The following CAMTA2 variants were observed in gnomAD, a reference collection of about 807,000 sequenced individuals.
CAMTA2 encodes calmodulin binding transcription activator 2.
A neutral mutation model predicts 135.7 loss-of-function variants in CAMTA2; 56 were observed. That is an observed-to-expected ratio of 0.41 (90% CI 0.33 to 0.52). The LOEUF (loss-of-function observed/expected upper bound fraction) is 0.52. Among genes scored for constraint, CAMTA2 ranks in the 20% least tolerant of loss-of-function variants. CAMTA2 has a pLI of 0.16. For missense variants in CAMTA2, 1,358 were observed against 1,553.4 expected (o/e 0.87, Z 2.11); for synonymous variants, 591 against 604.6 (o/e 0.98, Z 0.33).
rs1333748550 is a variant in CAMTA2, at chr17:4,972,257, C to T, written c.2783G>A (p.Ser928Asn). The change falls in exon 16 of 23, where the codon AGC becomes AAC. Residue 928 changes from serine (S) to asparagine (N), a missense_variant. Physicochemically the swap from Ser to Asn is conservative, Grantham distance 46. This residue lies in a region of CAMTA2 where 1,077 missense variants were observed against 1,127.5 expected (regional missense o/e 0.96). Coordinates refer to ENST00000348066, the MANE Select transcript of CAMTA2 (RefSeq NM_015099.4). ...DDGAAPEDAD[S>N]PQAVDVIPVD... ...CGGGATCACATCCACAGCCTGTGGGCTGTCAGCGTCCTCTGGAGCAGCCCC... is the reference window on the plus strand; with the variant it reads ...CGGGATCACATCCACAGCCTGTGGGTTGTCAGCGTCCTCTGGAGCAGCCCC... 3 of 1,613,984 alleles carry T rather than the reference C, an allele frequency of 1.9e-6. No individual in the cohort carries two copies. The highest frequency in any genetic ancestry group is 2.5e-6 in the Non-Finnish European group (3 of 1,179,936).
chr17:4,985,167 C>T (rs1165377936), intron 3 of CAMTA2, among the ~76,000 whole-genome samples: 2 of 151,500 alleles, frequency 1.3e-5, no homozygotes, highest in African/African-American at 4.9e-5. Context: ...GCCTGGGCAA[C>T]AAGAGCGAGA....
At chr17:4,978,289 AG>A (rs1358620784) in intron 10 of CAMTA2, among the ~76,000 whole-genome samples, 2 of 152,212 alleles carry the variant, frequency 1.3e-5, no homozygotes, top group East Asian at 3.9e-4. Flanking sequence ...GCTAAGGAGT[AG>A]ACTTCTTGGA....
chr17:4,968,584 G>T lies in CAMTA2; in HGVS notation c.*172C>A. 1.5e-6 allele frequency: 1 copy of T among 674,764 alleles called. No homozygotes were observed. The highest frequency in any genetic ancestry group is 2.6e-6 in the Non-Finnish European group (1 of 390,560). The allele number at this position is 674,764 out of a possible 1,614,324, so 41.8% of individuals were successfully genotyped here. ...GAGACGGGGCACGACCAGGAGGGAC[G>T]AGGAGAGGGGTGTGGGAGCAAGGCG... On this transcript the variant is annotated 3_prime_UTR_variant, in exon 23 of 23. Coordinates refer to ENST00000348066, the MANE Select transcript of CAMTA2 (RefSeq NM_015099.4).
chr17:4,987,418 G>A, intron 1 of CAMTA2, 175 bp downstream of exon 1: 1 of 1,375,988 alleles, frequency 7.3e-7, no homozygotes, highest in African/African-American at 1.5e-5. Context: ...GTCCGCCGTG[G>A]GGCCCTGCGG....
At chr17:4,970,129 C>A in intron 17 of CAMTA2, 44 bp from the exon 18 acceptor site, 1 of 1,577,176 alleles carries the variant, frequency 6.3e-7, no homozygotes, top group Non-Finnish European at 8.7e-7. Context: ...CATCTGAAGT[C>A]CCTCCTCTGC....
chr17:4,982,729 A>T lies in CAMTA2; in HGVS notation c.339+28T>A, dbSNP rs199558111. Reference sequence around the variant, plus strand: ...AGGGTGGAGGAGGGCAGGCTCGGGAAGATGAGCTGAATATCTGACTCTCTT... The same window carrying T: ...AGGGTGGAGGAGGGCAGGCTCGGGATGATGAGCTGAATATCTGACTCTCTT... On this transcript the variant is annotated intron_variant, in intron 5 of 22. Coordinates refer to ENST00000348066, the MANE Select transcript of CAMTA2 (RefSeq NM_015099.4). The T allele has an allele frequency of 1.2e-4, 197 of 1,613,212 alleles. 1 individual carries two copies. In the African/African-American group the frequency reaches 2.4e-3, roughly 20 times the overall value.
intron 1 of CAMTA2, chr17:4,987,109 G>A: frequency 3.6e-6 from 5 of 1,370,696 alleles, no homozygotes; most frequent in Non-Finnish European, 3.7e-6. Context: ...AGCTGGGGTT[G>A]GGGTAAGGAC....
At position 4,972,913 on chromosome 17, in the gene CAMTA2, C is replaced by A. The variant is rs567155838; in HGVS notation, c.2359G>T (p.Asp787Tyr). ...GACAATGGCAGACGGCCCAGAGAGT[C>A]GGGAATGCTCAGTGCCTGTCGGTTC... ...RWNRQALSIP[D>Y]SLGRLPLSVA... The change falls in exon 15 of 23, where the codon GAC becomes TAC. Residue 787 changes from aspartate (D) to tyrosine (Y), a missense_variant. Asp to Tyr is a radical substitution (Grantham distance 160). Coordinates refer to ENST00000348066, the MANE Select transcript of CAMTA2 (RefSeq NM_015099.4). The A allele has an allele frequency of 6.2e-7, 1 of 1,613,734 alleles. No homozygotes were observed. Among genetic ancestry groups the A allele is most frequent in the Non-Finnish European group, 8.5e-7 (1 of 1,180,026 alleles).
At chr17:4,975,698 G>GT (rs1316147536) in intron 11 of CAMTA2, among the ~76,000 whole-genome samples, 1 of 152,182 alleles carries the variant, frequency 6.6e-6, no homozygotes, top group Non-Finnish European at 1.5e-5. Flanking sequence ...AGAGAGAGAA[G>GT]TAAGGACAGA....
At chr17:4,976,461 G>A (rs1972625619) in intron 11 of CAMTA2, among the ~76,000 whole-genome samples, 1 of 152,118 alleles carries the variant, frequency 6.6e-6, no homozygotes, top group South Asian at 2.1e-4. Context: ...CACTTTGGTA[G>A]ACCAAGGCGG....
At chr17:4,973,350 A>C in intron 13 of CAMTA2, 97 bp from the exon 14 acceptor site, 1 of 1,040,406 alleles carries the variant, frequency 9.6e-7, no homozygotes. Context: ...CAAGCTGTAC[A>C]GGGCCGGTGG....
chr17:4,969,029 T>C lies in CAMTA2; in HGVS notation c.3471-48A>G. On this transcript the variant is annotated intron_variant, in intron 21 of 22. Coordinates refer to ENST00000348066, the MANE Select transcript of CAMTA2 (RefSeq NM_015099.4). This position sits in a 1 kb window ranked among gnomAD's most constrained non-coding sequence, Gnocchi z 5.6. Reference sequence around the variant, plus strand: ...GACCTCACAGAAGGCATCGCATGCCTTCGGCCCCCCCAGGAACCCTAGGCA... The same window carrying C: ...GACCTCACAGAAGGCATCGCATGCCCTCGGCCCCCCCAGGAACCCTAGGCA... The C allele has an allele frequency of 6.2e-7, 1 of 1,600,826 alleles. No individual in the cohort carries two copies. The highest frequency in any genetic ancestry group is 1.3e-5 in the African/African-American group (1 of 74,326).
intron 9 of CAMTA2, among the ~76,000 whole-genome samples, chr17:4,979,013 A>G (rs1430221276): frequency 6.6e-6 from 1 of 152,178 alleles, no homozygotes; most frequent in Non-Finnish European, 1.5e-5. Context: ...TCAGCTACTC[A>G]AAGTCTGCAA....
In CAMTA2 at chr17:4,987,643, G is replaced by C; in HGVS notation, c.-115C>G. The stretch of plus-strand genomic sequence containing the variant: ...GGCAGCGGCCATTCTACCCCACACC[G>C]ACCCCCCCCAGCGCCGGCTGACAGC... On this transcript the variant is annotated 5_prime_UTR_variant, in exon 1 of 23. Coordinates refer to ENST00000348066, the MANE Select transcript of CAMTA2 (RefSeq NM_015099.4). 6.6e-7 allele frequency: 1 copy of C among 1,518,512 alleles called. No individual in the cohort carries two copies. The highest frequency in any genetic ancestry group is 1.2e-5 in the South Asian group (1 of 82,284). The allele number at this position is 1,518,512 out of a possible 1,614,324, so 94.1% of individuals were successfully genotyped here.
intron 14 of CAMTA2, 28 bp from the exon 15 acceptor site, chr17:4,973,019 ACGGAGGTGGAGG>A (rs1567686768): frequency 6.3e-7 from 1 of 1,595,100 alleles, no homozygotes; most frequent in East Asian, 2.2e-5. Context: ...ACAGGCGGAG[ACGGAGGTGGAGG>A]TGAGGCCAGG....
At chr17:4,977,415 C>G (rs1972679081) in intron 10 of CAMTA2, among the ~76,000 whole-genome samples, 1 of 152,214 alleles carries the variant, frequency 6.6e-6, no homozygotes, top group Admixed American at 6.5e-5. Flanking sequence ...ATTCTAGACC[C>G]TGTAGTTGAA....
chr17:4,977,376 A>C (rs1411851066), intron 10 of CAMTA2, among the ~76,000 whole-genome samples, 184 bp from the exon 11 acceptor site: 1 of 152,258 alleles, frequency 6.6e-6, no homozygotes, highest in Non-Finnish European at 1.5e-5. Context: ...TGAGAACTTA[A>C]TACGTACTAT....
intron 3 of CAMTA2, chr17:4,983,270 C>G: frequency 2.0e-6 from 1 of 501,168 alleles, no homozygotes; most frequent in East Asian, 3.5e-5. Flanking sequence ...CTCCAAAAAT[C>G]TCATTCCTGT....
chr17:4,973,049 C>G, intron 14 of CAMTA2, 58 bp from the exon 15 acceptor site: 1 of 1,533,782 alleles, frequency 6.5e-7, no homozygotes, highest in Non-Finnish European at 9.0e-7. Context: ...AGGGGCTCTT[C>G]CTCCAGGTAG....
Sources: gnomAD v4.1 joint callset for allele counts (sites outside exome capture counted in the v4.1 genomes callset) on GRCh38, gnomAD v4.1.1 for gene constraint, gnomAD v4.1.1 regional missense constraint, Gnocchi (gnomAD v3.1) non-coding constraint, MANE v1.5 for transcripts, NCBI Gene and HGNC (gene_info 2026-07-23, HGNC 2026-07-21) for gene names.